The following ARK2C variants were observed in gnomAD, a reference collection of about 807,000 sequenced individuals.
The protein encoded by ARK2C is E3 ubiquitin-protein ligase ARK2C.
At chr18:46,367,562 G>A in the ARK2C span, among the ~76,000 whole-genome samples, 6 of 152,158 alleles carry the variant, frequency 3.9e-5, no homozygotes, top group Admixed American at 3.9e-4. Context: ...CCATTGCCTT[G>A]TGCCCTCATA....
At chr18:46,334,703 T>C in the ARK2C span, 1 of 312,094 alleles carries the variant, frequency 3.2e-6, no homozygotes, top group Non-Finnish European at 5.5e-6. This position sits in a 1 kb window ranked among gnomAD's most constrained non-coding sequence, Gnocchi z 4.4. Flanking sequence ...TGTGTGTGTG[T>C]GTGTGTGTGT....
chr18:46,379,863 C>T, the ARK2C span, among the ~76,000 whole-genome samples: 1 of 152,208 alleles, frequency 6.6e-6, no homozygotes, highest in East Asian at 1.9e-4. Flanking sequence ...AAACTCCTAC[C>T]TTCAGAAACC....
At chr18:46,447,450 G>A in the ARK2C span, 22 of 1,151,262 alleles carry the variant, frequency 1.9e-5, no homozygotes, top group Non-Finnish European at 2.8e-5. Context: ...GTTCCTTGCA[G>A]CTCTGGCAGG....
chr18:46,364,462 G>A, the ARK2C span, among the ~76,000 whole-genome samples: 1 of 151,256 alleles, frequency 6.6e-6, no homozygotes, highest in African/African-American at 2.4e-5. Context: ...ACTGGAAAGG[G>A]ACACATTTTG....
At chr18:46,426,791 A>G in the ARK2C span, among the ~76,000 whole-genome samples, 3 of 152,198 alleles carry the variant, frequency 2.0e-5, no homozygotes, top group Admixed American at 6.5e-5. Flanking sequence ...CTTTCAACTG[A>G]TGTCATTTTA....
chr18:46,391,155 AC>A, the ARK2C span, among the ~76,000 whole-genome samples: 1 of 152,162 alleles, frequency 6.6e-6, no homozygotes, highest in Admixed American at 6.5e-5. Flanking sequence ...AGGGTTCGCC[AC>A]TTCGCAATTC....
the ARK2C span, chr18:46,336,309 A>G: frequency 1.0e-6 from 1 of 985,352 alleles, no homozygotes; most frequent in Non-Finnish European, 1.2e-6. Context: ...TGCTGATTCC[A>G]TGTTTTGAAA....
the ARK2C span, chr18:46,433,148 C>T: frequency 2.0e-6 from 3 of 1,479,814 alleles, no homozygotes; most frequent in Non-Finnish European, 2.7e-6. Flanking sequence ...GGCGGCCGCT[C>T]GTGCTGGTCG....
chr18:46,410,806 G>A, the ARK2C span, among the ~76,000 whole-genome samples: 91 of 152,286 alleles, frequency 6.0e-4, no homozygotes, highest in Non-Finnish European at 2.5e-4. Context: ...TTTAAGCATC[G>A]TTTCTTCAAT....
chr18:46,393,151 G>A, the ARK2C span, among the ~76,000 whole-genome samples: 1 of 152,190 alleles, frequency 6.6e-6, no homozygotes, highest in Non-Finnish European at 1.5e-5. Context: ...CAGATTTACT[G>A]ACATCGTGGG....
chr18:46,385,451 G>C, the ARK2C span, among the ~76,000 whole-genome samples: 1 of 152,196 alleles, frequency 6.6e-6, no homozygotes, highest in Non-Finnish European at 1.5e-5. Flanking sequence ...GTTGCACAAG[G>C]ATGTCCAGGT....
the ARK2C span, among the ~76,000 whole-genome samples, chr18:46,363,494 A>G: frequency 6.6e-6 from 1 of 152,172 alleles, no homozygotes; most frequent in African/African-American, 2.4e-5. Flanking sequence ...GGGCTCTTTC[A>G]CTTGAGACAT....
At chr18:46,383,875 C>T in the ARK2C span, among the ~76,000 whole-genome samples, 6 of 152,134 alleles carry the variant, frequency 3.9e-5, no homozygotes, top group South Asian at 2.1e-4. Context: ...CTAATGATAA[C>T]GACTAACTTT....
the ARK2C span, among the ~76,000 whole-genome samples, chr18:46,388,130 T>G: frequency 6.6e-6 from 1 of 152,304 alleles, no homozygotes; most frequent in African/African-American, 2.4e-5. Flanking sequence ...CATGTTTATT[T>G]GGGATTACAG....
At chr18:46,341,508 T>C in the ARK2C span, among the ~76,000 whole-genome samples, 3 of 151,980 alleles carry the variant, frequency 2.0e-5, no homozygotes, top group Non-Finnish European at 4.4e-5. Flanking sequence ...TCCATTTTGG[T>C]GAGAATTGAG....
the ARK2C span, among the ~76,000 whole-genome samples, chr18:46,362,907 A>G: frequency 0.023 from 3,497 of 152,260 alleles, 126 homozygotes; most frequent in African/African-American, 0.08. Flanking sequence ...GGGAAGAAAA[A>G]TCACCGGGAG....
the ARK2C span, among the ~76,000 whole-genome samples, chr18:46,402,260 G>T: frequency 2.6e-5 from 4 of 152,236 alleles, no homozygotes; most frequent in African/African-American, 9.6e-5. Context: ...TACTGAGCAG[G>T]TATTATATAC....
the ARK2C span, chr18:46,447,721 GC>G: frequency 6.2e-7 from 1 of 1,613,950 alleles, no homozygotes; most frequent in Non-Finnish European, 8.5e-7. Context: ...ACTCCCTTGC[GC>G]CTATTGAGTG....
chr18:46,405,938 G>A, the ARK2C span, among the ~76,000 whole-genome samples: 1 of 151,916 alleles, frequency 6.6e-6, no homozygotes, highest in Non-Finnish European at 1.5e-5. Context: ...ATTCTGCCTA[G>A]GCATGTGCAC....
Sources: allele counts gnomAD v4.1 joint callset (sites outside exome capture counted in the v4.1 genomes callset), GRCh38; gene constraint gnomAD v4.1.1; non-coding constraint Gnocchi (gnomAD v3.1); transcripts MANE v1.5; gene names NCBI Gene and HGNC (gene_info 2026-07-23, HGNC 2026-07-21).